Variants in GMDS observed in about 807,000 individuals in gnomAD.
GMDS encodes the protein GDP-mannose 4,6 dehydratase.
A neutral mutation model predicts 49.9 loss-of-function variants in GMDS; 20 were observed. The ratio of observed to expected loss-of-function variants is 0.40; its 90% confidence interval spans 0.28 to 0.58. The LOEUF is 0.58. Among genes scored for constraint, GMDS ranks in the 20% least tolerant of loss-of-function variants. GMDS has a pLI of 0.42. For missense variants in GMDS, 362 were observed against 481.4 expected (o/e 0.75, Z 2.32); for synonymous variants, 177 against 178.6 (o/e 0.99, Z 0.07).
At chr6:2,229,068 A>C (rs1417789884) in intron 1 of GMDS, among the ~76,000 whole-genome samples, 1 of 152,158 alleles carries the variant, frequency 6.6e-6, no homozygotes, top group African/African-American at 2.4e-5. Flanking sequence ...CCGTGGCTCC[A>C]CTTTTCCCCA....
At chr6:1,893,828 A>G (rs1020181060) in intron 7 of GMDS, among the ~76,000 whole-genome samples, 1 of 152,220 alleles carries the variant, frequency 6.6e-6, no homozygotes, top group African/African-American at 2.4e-5. Flanking sequence ...CCACGCCTTT[A>G]AAAAATATAC....
chr6:2,095,807 G>A (rs1160619604), intron 4 of GMDS, among the ~76,000 whole-genome samples: 2 of 152,098 alleles, frequency 1.3e-5, no homozygotes, highest in Non-Finnish European at 2.9e-5. Flanking sequence ...CTAATGTGCT[G>A]GATGACAACT....
chr6:2,056,875 A>G (rs959998987), intron 4 of GMDS, among the ~76,000 whole-genome samples: 10 of 152,320 alleles, frequency 6.6e-5, no homozygotes, highest in African/African-American at 2.4e-4. Context: ...TCTGATGTTA[A>G]TATGATCTTA....
intron 1 of GMDS, among the ~76,000 whole-genome samples, chr6:2,198,492 C>T (rs1424871253): frequency 6.6e-6 from 1 of 151,052 alleles, no homozygotes; most frequent in Admixed American, 6.6e-5. Context: ...TCTTCAATGA[C>T]CAAAAGGTCC....
At chr6:1,745,110 G>T (rs534597370) in intron 7 of GMDS, among the ~76,000 whole-genome samples, 13 of 152,366 alleles carry the variant, frequency 8.5e-5, no homozygotes, top group African/African-American at 2.9e-4. Context: ...GGGATTAGAT[G>T]TAAGGGGGTA....
At chr6:2,120,438 T>C (rs534173900) in intron 2 of GMDS, among the ~76,000 whole-genome samples, 1 of 152,288 alleles carries the variant, frequency 6.6e-6, no homozygotes, top group Non-Finnish European at 1.5e-5. Context: ...AGTATCTCCA[T>C]GTTCTAACAA....
At chr6:1,988,059 C>T (rs1346636784) in intron 4 of GMDS, among the ~76,000 whole-genome samples, 1 of 152,190 alleles carries the variant, frequency 6.6e-6, no homozygotes, top group African/African-American at 2.4e-5. Context: ...TGCATATGCA[C>T]AGCCCCCATA....
chr6:1,677,957 T>TA (rs1420532586), intron 9 of GMDS, among the ~76,000 whole-genome samples: 2 of 152,104 alleles, frequency 1.3e-5, no homozygotes, highest in South Asian at 4.1e-4. Flanking sequence ...AAAAAATAAA[T>TA]AAAAACATTT....
intron 9 of GMDS, among the ~76,000 whole-genome samples, chr6:1,644,928 TC>T (rs1763440596): frequency 6.9e-6 from 1 of 144,942 alleles, no homozygotes; most frequent in African/African-American, 2.6e-5. Flanking sequence ...CAGACTCTGG[TC>T]CTTTTTTTTT....
In GMDS at chr6:1,640,331, AC is replaced by A. The variant is rs1763291560; in HGVS notation, c.988-15792del. Among the ~76,000 whole-genome samples, 1 of 152,178 alleles carries A rather than the reference AC, an allele frequency of 6.6e-6. No homozygotes were observed. Among genetic ancestry groups the A allele is most frequent in the Non-Finnish European group, 1.5e-5 (1 of 68,032 alleles). ...TAGGGTCACAGAGACTTAGGTTGACACTAGATTCACCACGTTTGAGGTGGCT... is the reference window on the plus strand; with the variant it reads ...TAGGGTCACAGAGACTTAGGTTGACATAGATTCACCACGTTTGAGGTGGCT... On this transcript the variant is annotated intron_variant, in intron 9 of 10. Coordinates refer to ENST00000380815, the MANE Select transcript of GMDS (RefSeq NM_001500.4). This position sits in a 1 kb window ranked among gnomAD's most constrained non-coding sequence, Gnocchi z 4.0.
At chr6:2,012,239 A>C (rs967019269) in intron 4 of GMDS, among the ~76,000 whole-genome samples, 19 of 152,168 alleles carry the variant, frequency 1.2e-4, no homozygotes, top group Non-Finnish European at 2.8e-4. Flanking sequence ...AACCGCACTC[A>C]CACCCCCTAA....
intron 6 of GMDS, among the ~76,000 whole-genome samples, chr6:1,953,538 G>C (rs1334505395): frequency 6.6e-6 from 1 of 151,952 alleles, no homozygotes; most frequent in African/African-American, 2.4e-5. Context: ...TTTTGTAAAG[G>C]TCACCATATT....
At chr6:2,239,056 C>T (rs192859565) in intron 1 of GMDS, among the ~76,000 whole-genome samples, 2 of 152,176 alleles carry the variant, frequency 1.3e-5, no homozygotes, top group East Asian at 1.9e-4. Flanking sequence ...TGGCCGGGCA[C>T]GGTGGCTCAC....
chr6:2,111,871 T>A (rs561221779), intron 4 of GMDS, among the ~76,000 whole-genome samples: 20 of 152,334 alleles, frequency 1.3e-4, no homozygotes, highest in African/African-American at 3.8e-4. Context: ...AAATATGTAT[T>A]TTTTCATCCT....
At chr6:2,245,207 C>T in intron 1 of GMDS, 114 bp downstream of exon 1, 1 of 733,650 alleles carries the variant, frequency 1.4e-6, no homozygotes, top group Non-Finnish European at 2.3e-6. Context: ...AGACCCCTTC[C>T]GGGACGCCGA....
At chr6:2,017,408 C>T (rs1360382487) in intron 4 of GMDS, among the ~76,000 whole-genome samples, 1 of 152,020 alleles carries the variant, frequency 6.6e-6, no homozygotes, top group Non-Finnish European at 1.5e-5. Flanking sequence ...TCCTGGGTTC[C>T]AGCAATTCTC....
chr6:1,630,946 G>A (rs1486886059), intron 9 of GMDS, among the ~76,000 whole-genome samples: 2 of 152,180 alleles, frequency 1.3e-5, no homozygotes, highest in Admixed American at 6.5e-5. Flanking sequence ...GGTTGTCAGT[G>A]ACCTCAGCAT....
At chr6:1,698,230 G>C (rs1309395749) in intron 9 of GMDS, among the ~76,000 whole-genome samples, 1 of 152,082 alleles carries the variant, frequency 6.6e-6, no homozygotes, top group Non-Finnish European at 1.5e-5. Context: ...TTAGCTTTGT[G>C]TGTATCTACA....
chr6:2,193,894 T>G (rs1436336683), intron 1 of GMDS, among the ~76,000 whole-genome samples: 1 of 151,976 alleles, frequency 6.6e-6, no homozygotes, highest in African/African-American at 2.4e-5. Context: ...CAGCTAATTT[T>G]TTGTATTTTT....
Sources: gnomAD v4.1 joint callset for allele counts (sites outside exome capture counted in the v4.1 genomes callset) on GRCh38, gnomAD v4.1.1 for gene constraint, Gnocchi (gnomAD v3.1) non-coding constraint, MANE v1.5 for transcripts, NCBI Gene and HGNC (gene_info 2026-07-23, HGNC 2026-07-21) for gene names.